Variants in STK24 observed in about 807,000 individuals in gnomAD.
STK24 encodes serine/threonine-protein kinase 24.
In STK24, 21 loss-of-function variants were observed where a neutral mutation model predicts 55.6. The ratio of observed to expected loss-of-function variants is 0.38; its 90% confidence interval spans 0.27 to 0.54. The LOEUF (loss-of-function observed/expected upper bound fraction) is 0.54, where lower values mean the gene tolerates loss of function less well. Ranked by LOEUF, STK24 falls within the 20% of genes least tolerant of loss-of-function variation. The pLI is 0.79. For missense variants in STK24, 383 were observed against 538.4 expected, an observed-to-expected ratio of 0.71 and a Z score of 2.86; for synonymous variants, 200 against 215.2, an observed-to-expected ratio of 0.93 and a Z score of 0.62.
chr13:98,524,040 G>A (rs182405818), intron 1 of STK24, among the ~76,000 whole-genome samples: 56 of 152,166 alleles, frequency 3.7e-4, no homozygotes, highest in African/African-American at 1.2e-3. Context: ...CTGGCAGCCC[G>A]TCCACACCCA....
chr13:98,530,193 C>G (rs1279599422), intron 1 of STK24, among the ~76,000 whole-genome samples: 1 of 152,120 alleles, frequency 6.6e-6, no homozygotes, highest in Non-Finnish European at 1.5e-5. Flanking sequence ...GAAACACACA[C>G]AAATACTTCC....
intron 10 of STK24, 100 bp from the exon 11 acceptor site, chr13:98,453,309 C>G (rs1225733980): frequency 8.1e-7 from 1 of 1,234,028 alleles, no homozygotes; most frequent in Non-Finnish European, 1.1e-6. Context: ...TAAGAAATTC[C>G]AAGTCATACA....
chr13:98,461,746 G>C (rs200580902), intron 8 of STK24, 28 bp downstream of exon 8: 1 of 1,609,790 alleles, frequency 6.2e-7, no homozygotes, highest in East Asian at 2.2e-5. Flanking sequence ...TGAGGTCAGC[G>C]TGGCCATTCT....
chr13:98,558,715 T>C (rs1897336917), intron 1 of STK24, among the ~76,000 whole-genome samples: 1 of 152,248 alleles, frequency 6.6e-6, no homozygotes, highest in Non-Finnish European at 1.5e-5. Context: ...TATACGAAAA[T>C]ATGCAGGCGA....
intron 1 of STK24, among the ~76,000 whole-genome samples, chr13:98,531,870 C>A (rs1376710598): frequency 6.6e-6 from 1 of 152,162 alleles, no homozygotes; most frequent in Non-Finnish European, 1.5e-5. Context: ...GACAGTGCAT[C>A]AGGAGAAAGA....
At chr13:98,550,804 A>G (rs1897138677) in intron 1 of STK24, among the ~76,000 whole-genome samples, 1 of 152,256 alleles carries the variant, frequency 6.6e-6, no homozygotes, top group Non-Finnish European at 1.5e-5. Context: ...ATGCAAAATA[A>G]AATGAAATCA....
intron 2 of STK24, among the ~76,000 whole-genome samples, chr13:98,498,486 C>T (rs530119536): frequency 1.1e-4 from 16 of 152,300 alleles, no homozygotes; most frequent in African/African-American, 3.8e-4. Flanking sequence ...AGTTGACCTC[C>T]CAGACTCATG....
At chr13:98,480,899 T>C (rs1396293471) in intron 3 of STK24, among the ~76,000 whole-genome samples, 1 of 152,226 alleles carries the variant, frequency 6.6e-6, no homozygotes, top group Admixed American at 6.5e-5. Flanking sequence ...CTAAGAAGTT[T>C]CCTCTCAAAG....
intron 3 of STK24, among the ~76,000 whole-genome samples, chr13:98,480,328 T>C (rs1338539487): frequency 2.0e-5 from 3 of 152,246 alleles, no homozygotes; most frequent in Non-Finnish European, 4.4e-5. Context: ...GACTTAATGT[T>C]GGAAAAAGAA....
intron 1 of STK24, among the ~76,000 whole-genome samples, chr13:98,554,793 T>A (rs1194371651): frequency 6.6e-6 from 1 of 152,126 alleles, no homozygotes; most frequent in Non-Finnish European, 1.5e-5. Flanking sequence ...GGCAGGCAGA[T>A]CACCTGAGGT....
chr13:98,559,471 C>T (rs576719405), intron 1 of STK24, among the ~76,000 whole-genome samples: 2 of 152,168 alleles, frequency 1.3e-5, no homozygotes, highest in Non-Finnish European at 2.9e-5. Context: ...CCTCCCCAAC[C>T]ATGTGGAACT....
Position 98,447,364 on chromosome 13 carries a change from C to T in STK24, c.*5809G>A, listed in dbSNP as rs1892912871. 6.6e-6 allele frequency: 1 copy of T among 152,570 alleles called. No individual in the cohort carries two copies. Among genetic ancestry groups the T allele is most frequent in the Non-Finnish European group, 1.5e-5 (1 of 68,354 alleles). The allele number at this position is 152,570 out of a possible 1,614,324, so 9.5% of individuals were successfully genotyped here. A position where few individuals can be genotyped will look rare whatever the true frequency, so the allele number is the denominator to read the frequency against. On this transcript the variant is annotated 3_prime_UTR_variant, in exon 11 of 11. Transcript: ENST00000539966. ...AAACAACATCACCTGAAAAAGGAAC[C>T]TAGAGGAGAGCCATTCTCAAATCTG...
intron 2 of STK24, among the ~76,000 whole-genome samples, chr13:98,492,076 CGTGTGTGTGT>C (rs56956881): frequency 0.012 from 1,835 of 149,606 alleles, 19 homozygotes; most frequent in East Asian, 0.027. Flanking sequence ...AGTGCGTGCG[CGTGTGTGTGT>C]GTGTGTGTGT....
In STK24 at chr13:98,519,318, G is replaced by A. The variant is rs766582523; in HGVS notation, c.198C>T (p.Asp66=). 16 of 1,614,178 alleles carry A rather than the reference G, an allele frequency of 9.9e-6. No individual in the cohort carries two copies. Among genetic ancestry groups the A allele is most frequent in the Non-Finnish European group, 1.4e-5 (16 of 1,180,032 alleles). Residue 66 remains aspartate (D), a synonymous_variant, in exon 2 of 11, where the codon GAC becomes GAT. Coordinates refer to ENST00000539966, the MANE Select transcript of STK24 (RefSeq NM_001032296.4). ...DLEEAEDEIE[D]IQQEITVLSQ... ...TCAGCACTGTGATTTCTTGTTGAAT[G>A]TCCTCTATCTCATCTTCAGCTTCTT...
chr13:98,484,956 G>A (rs1894750307), intron 2 of STK24, among the ~76,000 whole-genome samples: 3 of 152,304 alleles, frequency 2.0e-5, no homozygotes, highest in African/African-American at 7.2e-5. Flanking sequence ...AGGGCACTCA[G>A]GAAACCAGCT....
chr13:98,469,838 G>A (rs1029711715), intron 5 of STK24, among the ~76,000 whole-genome samples: 2 of 152,184 alleles, frequency 1.3e-5, no homozygotes, highest in Admixed American at 6.5e-5. Flanking sequence ...ATCCTGGACT[G>A]GCATGTGAAT....
At chr13:98,517,054 A>C in intron 2 of STK24, among the ~76,000 whole-genome samples, 1 of 152,242 alleles carries the variant, frequency 6.6e-6, no homozygotes. Context: ...CGTGCTAAGG[A>C]GCTGAGGTTG....
intron 1 of STK24, among the ~76,000 whole-genome samples, chr13:98,573,244 T>C (rs542239698): frequency 7.2e-5 from 11 of 152,350 alleles, no homozygotes; most frequent in Middle Eastern, 3.4e-3. Flanking sequence ...GAAAAGTGAC[T>C]GATAAAATTT....
At chr13:98,545,374 C>T (rs1487885422) in intron 1 of STK24, among the ~76,000 whole-genome samples, 2 of 152,110 alleles carry the variant, frequency 1.3e-5, no homozygotes, top group East Asian at 3.9e-4. Flanking sequence ...AGGCCGGGCG[C>T]AGTGGCTCAT....
Sources: allele counts gnomAD v4.1 joint callset (sites outside exome capture counted in the v4.1 genomes callset), GRCh38; gene constraint gnomAD v4.1.1; transcripts MANE v1.5; gene names NCBI Gene and HGNC (gene_info 2026-07-23, HGNC 2026-07-21).